Variants in ENPP6 observed in about 807,000 individuals in gnomAD.
ENPP6 encodes ectonucleotide pyrophosphatase/phosphodiesterase 6, also known as glycerophosphocholine cholinephosphodiesterase ENPP6.
In ENPP6, 32 loss-of-function variants were observed where a neutral mutation model predicts 42.0. The ratio of observed to expected loss-of-function variants is 0.76; its 90% CI spans 0.58 to 1.02. ENPP6 has a LOEUF of 1.02. Among genes scored for constraint, ENPP6 ranks in the 50% least tolerant of loss-of-function variants. The pLI, the probability that ENPP6 is intolerant of heterozygous loss-of-function variation, is 0.00. For synonymous variants in ENPP6, 213 were observed against 216.0 expected (o/e 0.99, Z 0.12); for missense variants, 552 against 566.8 (o/e 0.97, Z 0.27).
rs1171459794 is a variant in ENPP6, at chr4:184,131,140, A to ACTTTCTTTCTTTCTTTCTTTCTTTCTTT, written c.422-6896_422-6869dup. ...TTTCAACTTGCTTCCACCAGCACTT[A>ACTTTCTTTCTTTCTTTCTTTCTTTCTTT]CTTTCTTTCTTTCTTTCTTTCTTTC... On this transcript the variant is annotated intron_variant, in intron 2 of 7. Coordinates refer to ENST00000296741, the MANE Select transcript of ENPP6 (RefSeq NM_153343.4). 2.1e-4 allele frequency among the ~76,000 whole-genome samples: 26 copies of ACTTTCTTTCTTTCTTTCTTTCTTTCTTT among 121,706 alleles called. 1 individual carries two copies. Among genetic ancestry groups the ACTTTCTTTCTTTCTTTCTTTCTTTCTTT allele is most frequent in the South Asian group, 5.4e-4 (2 of 3,686 alleles). 79.8% of individuals were successfully genotyped at this position (121,706 alleles called of 152,430 possible).
intron 6 of ENPP6, among the ~76,000 whole-genome samples, chr4:184,109,974 G>A (rs896322677): frequency 6.6e-6 from 1 of 152,132 alleles, no homozygotes; most frequent in Admixed American, 6.5e-5. Context: ...GCAGAGTGTG[G>A]GGCGGGAGGA....
intron 1 of ENPP6, among the ~76,000 whole-genome samples, chr4:184,166,955 A>G (rs139966577): frequency 3.9e-5 from 6 of 152,242 alleles, no homozygotes; most frequent in Non-Finnish European, 7.4e-5. Context: ...TACCCCTTTT[A>G]TGTCTCTTTC....
At chr4:184,185,394 G>A (rs116479496) in intron 1 of ENPP6, among the ~76,000 whole-genome samples, 5 of 152,224 alleles carry the variant, frequency 3.3e-5, no homozygotes, top group Non-Finnish European at 4.4e-5. Flanking sequence ...GAGGGACAAC[G>A]CATCCCTGTG....
In ENPP6 at chr4:184,217,852, C is replaced by CA; in HGVS notation, c.-34dup. 1 of 1,604,710 alleles carries CA rather than the reference C, an allele frequency of 6.2e-7. No homozygotes were observed. Among genetic ancestry groups the CA allele is most frequent in the South Asian group, 1.1e-5 (1 of 89,938 alleles). ...GGAGCCTGCCAGAGCCCGGCTGGCA[C>CA]AGCTGTCGCCTTGCAAAGACTGAGG... On this transcript the variant is annotated 5_prime_UTR_variant, in exon 1 of 8. Transcript: ENST00000296741.
intron 6 of ENPP6, among the ~76,000 whole-genome samples, chr4:184,099,649 C>G (rs1735967155): frequency 6.6e-6 from 1 of 152,220 alleles, no homozygotes; most frequent in South Asian, 2.1e-4. Flanking sequence ...TAAATCGCCC[C>G]CTCGCATTGC....
chr4:184,091,350 T>C lies in ENPP6; in HGVS notation c.1150A>G (p.Arg384Gly), dbSNP rs1410096141. The change falls in exon 8 of 8, where the codon AGG becomes GGG. Residue 384 changes from arginine (R) to glycine (G), a missense_variant. This residue lies in a region of ENPP6 where 545 missense variants were observed against 546.3 expected (regional missense o/e 1.00). Coordinates refer to ENST00000296741, the MANE Select transcript of ENPP6 (RefSeq NM_153343.4). Reference sequence around the variant, plus strand: ...ATGACATTGTAGACGTCCACCGACCTGATAGGAGCAGCTCTGAAGTTGGAT... The same window carrying C: ...ATGACATTGTAGACGTCCACCGACCCGATAGGAGCAGCTCTGAAGTTGGAT... ...FKSNFRAAPIRSVDVYNVMCN... is the reference protein window; with the variant it reads ...FKSNFRAAPIGSVDVYNVMCN... The C allele has an allele frequency of 6.2e-7, 1 of 1,611,530 alleles. No homozygotes were observed. The highest frequency in any genetic ancestry group is 8.5e-7 in the Non-Finnish European group (1 of 1,179,202).
At chr4:184,144,956 T>C (rs1374348303) in intron 2 of ENPP6, among the ~76,000 whole-genome samples, 2 of 152,186 alleles carry the variant, frequency 1.3e-5, no homozygotes, top group African/African-American at 4.8e-5. Context: ...GGTTGAAATC[T>C]CCTGATCAGG....
chr4:184,148,479 G>A (rs576835216), intron 2 of ENPP6, among the ~76,000 whole-genome samples: 3 of 152,216 alleles, frequency 2.0e-5, no homozygotes, highest in Non-Finnish European at 4.4e-5. Flanking sequence ...GCAGTCCAAA[G>A]AGGCAGCATC....
intron 2 of ENPP6, among the ~76,000 whole-genome samples, chr4:184,149,145 T>C (rs1736975867): frequency 6.6e-6 from 1 of 152,194 alleles, no homozygotes; most frequent in Non-Finnish European, 1.5e-5. Context: ...TGAAAAAAAT[T>C]CCAGTTTTTA....
At chr4:184,217,525 C>T (rs1733216554) in intron 1 of ENPP6, 54 bp downstream of exon 1, 3 of 1,604,130 alleles carry the variant, frequency 1.9e-6, no homozygotes, top group Non-Finnish European at 2.6e-6. Context: ...GCTCACTGTT[C>T]CCTGCTGGAT....
At chr4:184,173,932 G>A (rs1317552531) in intron 1 of ENPP6, among the ~76,000 whole-genome samples, 1 of 152,108 alleles carries the variant, frequency 6.6e-6, no homozygotes, top group Non-Finnish European at 1.5e-5. Flanking sequence ...TCCATCCCGG[G>A]GGGACACCTG....
chr4:184,149,220 G>C (rs906716387), intron 2 of ENPP6, among the ~76,000 whole-genome samples: 3 of 152,198 alleles, frequency 2.0e-5, no homozygotes, highest in African/African-American at 7.2e-5. Flanking sequence ...TCACGCCTCT[G>C]TATGAGCAAT....
chr4:184,154,430 T>C (rs1737119161), intron 1 of ENPP6, among the ~76,000 whole-genome samples: 1 of 152,302 alleles, frequency 6.6e-6, no homozygotes, highest in African/African-American at 2.4e-5. Context: ...ATCTGTTACA[T>C]CTTTAAAGTA....
At chr4:184,206,407 G>A (rs1167463867) in intron 1 of ENPP6, among the ~76,000 whole-genome samples, 7 of 106,310 alleles carry the variant, frequency 6.6e-5, no homozygotes, top group African/African-American at 2.3e-4. Flanking sequence ...ACAGGCGGGC[G>A]CCACCAGGCC....
chr4:184,178,883 T>C lies in ENPP6; in HGVS notation c.242-25150A>G, dbSNP rs1732494499. Among the ~76,000 whole-genome samples, 4 of 152,104 alleles carry C rather than the reference T, an allele frequency of 2.6e-5. No homozygotes were observed. The South Asian group carries it at 6.2e-4, about 24-fold the overall frequency. On this transcript the variant is annotated intron_variant, in intron 1 of 7. Coordinates refer to ENST00000296741, the MANE Select transcript of ENPP6 (RefSeq NM_153343.4). ...CAAGAGCTCCTGAAGGAAGCACAAA[T>C]ATGGAAAGGAAAAACCATTACCAGC...
At chr4:184,216,225 C>T (rs572770899) in intron 1 of ENPP6, among the ~76,000 whole-genome samples, 2 of 152,326 alleles carry the variant, frequency 1.3e-5, no homozygotes, top group East Asian at 3.9e-4. Flanking sequence ...AAACTGCTTC[C>T]CTGCAAGGGG....
At chr4:184,199,564 A>T (rs1241706942) in intron 1 of ENPP6, among the ~76,000 whole-genome samples, 1 of 152,142 alleles carries the variant, frequency 6.6e-6, no homozygotes, top group East Asian at 1.9e-4. Context: ...ACTGTGATTG[A>T]TTTGTGTTCA....
chr4:184,131,256 TTCTCTTCCTTCCTTC>T lies in ENPP6; in HGVS notation c.422-6999_422-6985del, dbSNP rs1736622809. 5.1e-4 allele frequency among the ~76,000 whole-genome samples: 20 copies of T among 39,532 alleles called. 1 individual carries two copies. Among genetic ancestry groups the T allele is most frequent in the East Asian group, 2.4e-3 (3 of 1,258 alleles). 25.9% of individuals were successfully genotyped at this position (39,532 alleles called of 152,430 possible). On this transcript the variant is annotated intron_variant, in intron 2 of 7. Coordinates refer to ENST00000296741, the MANE Select transcript of ENPP6 (RefSeq NM_153343.4). ...TTTCCTTTTCTTTCTTTCTTTCTCT[TTCTCTTCCTTCCTTC>T]CTTCCTTCCTTCCTTCCTTCCTTCC...
At chr4:184,123,752 G>C (rs986776344) in intron 3 of ENPP6, among the ~76,000 whole-genome samples, 3 of 152,132 alleles carry the variant, frequency 2.0e-5, no homozygotes, top group Admixed American at 6.5e-5. Context: ...TTGTACATGG[G>C]TACAAGAAGG....
Sources: gnomAD v4.1 joint callset for allele counts (sites outside exome capture counted in the v4.1 genomes callset) on GRCh38, gnomAD v4.1.1 for gene constraint, gnomAD v4.1.1 regional missense constraint, MANE v1.5 for transcripts, NCBI Gene and HGNC (gene_info 2026-07-23, HGNC 2026-07-21) for gene names.